Variants in ESRRG observed in about 807,000 individuals in gnomAD.
ESRRG encodes estrogen-related receptor gamma.
ESRRG carries 13 observed loss-of-function variants against 44.0 expected under a neutral mutation model. That is an observed-to-expected ratio of 0.30 (90% confidence interval 0.19 to 0.47). The LOEUF (loss-of-function observed/expected upper bound fraction) is 0.47, where lower values mean the gene tolerates loss of function less well. Among genes scored for constraint, ESRRG ranks in the 20% least tolerant of loss-of-function variants. The pLI is 1.00. For missense variants in ESRRG, 395 were observed against 580.6 expected, an observed-to-expected ratio of 0.68 and a Z score of 3.29; for synonymous variants, 215 against 214.6, an observed-to-expected ratio of 1.00 and a Z score of -0.02.
At chr1:216,859,898 C>A (rs1250516726) in intron 2 of ESRRG, among the ~76,000 whole-genome samples, 1 of 152,152 alleles carries the variant, frequency 6.6e-6, no homozygotes, top group Non-Finnish European at 1.5e-5. Context: ...GAAGCAGGCA[C>A]ATATCATCCA....
At chr1:216,918,534 C>T (rs993851116) in intron 2 of ESRRG, among the ~76,000 whole-genome samples, 8 of 152,122 alleles carry the variant, frequency 5.3e-5, no homozygotes, top group Admixed American at 2.6e-4. Context: ...GCTTATTCCT[C>T]ACATGCAAAC....
chr1:216,606,249 G>A (rs993032914), intron 3 of ESRRG, among the ~76,000 whole-genome samples: 2 of 152,016 alleles, frequency 1.3e-5, no homozygotes, highest in African/African-American at 2.4e-5. Context: ...CAGCAGCTGG[G>A]GTGACTGATT....
At chr1:216,662,998 T>A (rs2072921420) in intron 2 of ESRRG, among the ~76,000 whole-genome samples, 1 of 152,250 alleles carries the variant, frequency 6.6e-6, no homozygotes, top group African/African-American at 2.4e-5. Flanking sequence ...TTATCCATTA[T>A]TTCCTTTCTT....
At chr1:216,919,544 G>T (rs1287058236) in intron 2 of ESRRG, among the ~76,000 whole-genome samples, 1 of 152,114 alleles carries the variant, frequency 6.6e-6, no homozygotes, top group Non-Finnish European at 1.5e-5. Context: ...AAACAAAGTT[G>T]CTTCTTCAAT....
intron 6 of ESRRG, among the ~76,000 whole-genome samples, chr1:216,512,149 G>A (rs748149225): frequency 2.0e-5 from 3 of 152,244 alleles, no homozygotes; most frequent in South Asian, 4.1e-4. Flanking sequence ...GGTAATGAAC[G>A]TCAACAGTTG....
At chr1:216,824,822 T>TA (rs2095362655) in intron 2 of ESRRG, among the ~76,000 whole-genome samples, 1 of 152,244 alleles carries the variant, frequency 6.6e-6, no homozygotes, top group Admixed American at 6.5e-5. Context: ...CGCAGATTTT[T>TA]ATCTGAGAAA....
At chr1:216,569,076 G>A (rs1386651119) in intron 3 of ESRRG, among the ~76,000 whole-genome samples, 3 of 93,054 alleles carry the variant, frequency 3.2e-5, no homozygotes, top group Non-Finnish European at 7.3e-5. Flanking sequence ...GAGAAAGACA[G>A]AGAGAAAGGA....
chr1:216,847,766 G>T (rs2095778626), intron 2 of ESRRG, among the ~76,000 whole-genome samples: 1 of 152,114 alleles, frequency 6.6e-6, no homozygotes, highest in African/African-American at 2.4e-5. Flanking sequence ...CATCATGACT[G>T]CTGAGCTGAG....
intron 2 of ESRRG, among the ~76,000 whole-genome samples, chr1:216,786,268 T>C (rs1480789467): frequency 1.3e-5 from 2 of 152,030 alleles, no homozygotes; most frequent in Non-Finnish European, 2.9e-5. Context: ...TCTGGCTTCA[T>C]AACAGGAGGA....
chr1:216,878,615 C>T (rs1314374096), intron 2 of ESRRG, among the ~76,000 whole-genome samples: 3 of 152,154 alleles, frequency 2.0e-5, no homozygotes, highest in African/African-American at 7.2e-5. Context: ...TTGTTTCCCT[C>T]CATGTAGTAA....
chr1:216,654,381 T>C (rs1419867301), intron 2 of ESRRG, among the ~76,000 whole-genome samples: 1 of 152,030 alleles, frequency 6.6e-6, no homozygotes, highest in Non-Finnish European at 1.5e-5. Flanking sequence ...AATCCAGCAC[T>C]TTGGGAGGCC....
intron 1 of ESRRG, among the ~76,000 whole-genome samples, chr1:216,991,490 A>C (rs1251420393): frequency 6.6e-6 from 1 of 152,192 alleles, no homozygotes; most frequent in African/African-American, 2.4e-5. Context: ...AACAAGATAA[A>C]GTGTCCACTC....
chr1:216,831,865 C>T (rs2095492895), intron 2 of ESRRG, among the ~76,000 whole-genome samples: 1 of 152,092 alleles, frequency 6.6e-6, no homozygotes, highest in African/African-American at 2.4e-5. Context: ...AGTCACTGGG[C>T]ACTTACATGT....
chr1:216,793,094 C>T lies in ESRRG; in HGVS notation c.-13-115603G>A, dbSNP rs11800710. Among the ~76,000 whole-genome samples the T allele has an allele frequency of 9.5e-3, 1,439 of 152,206 alleles. 25 individuals are homozygous for T. The highest frequency in any genetic ancestry group is 0.033 in the African/African-American group (1,356 of 41,506). On this transcript the variant is annotated intron_variant, in intron 2 of 7. Transcript: ENST00000359162. ...ATCCATATTTATCCTCTATGTCCAC[C>T]ACTCCATCTCTAAATTTTACTGCCC... is the stretch of plus-strand genomic sequence containing the variant.
intron 1 of ESRRG, among the ~76,000 whole-genome samples, chr1:217,049,463 A>G (rs1558106203): frequency 6.7e-6 from 1 of 148,876 alleles, no homozygotes; most frequent in Non-Finnish European, 1.5e-5. Context: ...AAGCATAACT[A>G]AAAGTAGTAA....
intron 6 of ESRRG, among the ~76,000 whole-genome samples, chr1:216,507,557 G>T (rs1358154410): frequency 1.3e-5 from 2 of 152,140 alleles, no homozygotes; most frequent in African/African-American, 4.8e-5. Context: ...TCTATTGAAA[G>T]TATTATCTTA....
chr1:216,605,297 G>A (rs978801774), intron 3 of ESRRG, among the ~76,000 whole-genome samples: 16 of 152,044 alleles, frequency 1.1e-4, no homozygotes, highest in African/African-American at 3.6e-4. Flanking sequence ...AAAATCAAAT[G>A]AAGGCAATGT....
intron 2 of ESRRG, among the ~76,000 whole-genome samples, chr1:216,858,939 C>T (rs1044979004): frequency 5.3e-5 from 8 of 152,108 alleles, no homozygotes; most frequent in African/African-American, 1.9e-4. Flanking sequence ...TTTGGGCCAG[C>T]CATTAATTCC....
chr1:216,555,547 A>C (rs1201003010), intron 5 of ESRRG, among the ~76,000 whole-genome samples: 1 of 152,064 alleles, frequency 6.6e-6, no homozygotes, highest in African/African-American at 2.4e-5. Context: ...AAAAAAAAAA[A>C]AAACCTGAAT....
Sources: gnomAD v4.1 joint callset for allele counts (sites outside exome capture counted in the v4.1 genomes callset) on GRCh38, gnomAD v4.1.1 for gene constraint, MANE v1.5 for transcripts, NCBI Gene and HGNC (gene_info 2026-07-23, HGNC 2026-07-21) for gene names.